The following MTUS2 variants were observed in gnomAD, a reference collection of about 807,000 sequenced individuals.
MTUS2 encodes microtubule-associated tumor suppressor candidate 2.
Under a neutral mutation model 114.1 loss-of-function variants are expected in MTUS2, and 40 were observed. The observed-to-expected ratio is 0.35, with a 90% CI of 0.27 to 0.46. The LOEUF is 0.46. Ranked by LOEUF, MTUS2 falls within the 20% of genes least tolerant of loss-of-function variation. MTUS2 has a pLI of 1.00. For missense variants in MTUS2, 1,679 were observed against 1,705.4 expected (o/e 0.98, Z 0.27); for synonymous variants, 688 against 672.0 (o/e 1.02, Z -0.37).
chr13:29,223,021 TTGGCACAAACAGTC>T (rs1178896422), intron 5 of MTUS2, among the ~76,000 whole-genome samples: 9 of 152,074 alleles, frequency 5.9e-5, no homozygotes, highest in African/African-American at 2.2e-4. Context: ...CAGACACCCC[TTGGCACAAACAGTC>T]TGGACACTGT....
chr13:28,901,215 T>A (rs1339209245), intron 2 of MTUS2, among the ~76,000 whole-genome samples: 9 of 152,248 alleles, frequency 5.9e-5, no homozygotes, highest in Non-Finnish European at 7.4e-5. Context: ...TAAAAAAAAA[T>A]TTTTTAAGTC....
At chr13:28,971,574 T>TA (rs1162177928) in intron 2 of MTUS2, among the ~76,000 whole-genome samples, 1 of 152,176 alleles carries the variant, frequency 6.6e-6, no homozygotes, top group Non-Finnish European at 1.5e-5. Flanking sequence ...AGTGAACAAA[T>TA]ATGGAAATAG....
intron 4 of MTUS2, 142 bp downstream of exon 4, chr13:29,034,267 C>G: frequency 8.8e-7 from 1 of 1,131,020 alleles, no homozygotes; most frequent in Non-Finnish European, 1.2e-6. Context: ...TCTGTAGATG[C>G]AGACATTTGT....
intron 5 of MTUS2, among the ~76,000 whole-genome samples, chr13:29,209,594 A>G (rs1186676275): frequency 1.3e-5 from 2 of 150,932 alleles, no homozygotes; most frequent in African/African-American, 2.4e-5. Context: ...AAGATTTACA[A>G]CTCCTTTTAG....
chr13:29,349,680 A>G (rs1342916308), intron 7 of MTUS2, among the ~76,000 whole-genome samples: 1 of 152,082 alleles, frequency 6.6e-6, no homozygotes, highest in Non-Finnish European at 1.5e-5. Flanking sequence ...GTACTTAAAG[A>G]TGCTGTTTTA....
intron 5 of MTUS2, among the ~76,000 whole-genome samples, chr13:29,101,464 T>C (rs1807477194): frequency 6.6e-6 from 1 of 152,240 alleles, no homozygotes; most frequent in Admixed American, 6.5e-5. Flanking sequence ...TTCAAGTCCA[T>C]GCCCAGGAAG....
chr13:28,928,909 GTA>G (rs777854861), intron 2 of MTUS2, among the ~76,000 whole-genome samples: 35 of 152,282 alleles, frequency 2.3e-4, no homozygotes, highest in Admixed American at 1.0e-3. Flanking sequence ...ATATGTGTGC[GTA>G]TGTGTGTGTG....
intron 5 of MTUS2, among the ~76,000 whole-genome samples, chr13:29,168,299 C>T (rs748672771): frequency 6.6e-6 from 1 of 152,150 alleles, no homozygotes; most frequent in Non-Finnish European, 1.5e-5. Context: ...TGAGCTCCAC[C>T]TGCTTAGAAA....
rs1566175110 is a variant in MTUS2 at position 29,390,040 on chromosome 13, TGTATATATACACATAC to T, written c.3117+30568_3117+30583del. 1.6e-3 allele frequency among the ~76,000 whole-genome samples: 4 copies of T among 2,518 alleles called. 1 individual carries two copies. Among genetic ancestry groups the T allele is most frequent in the Admixed American group, 0.053 (2 of 38 alleles). 1.7% of individuals were successfully genotyped at this position (2,518 alleles called of 152,430 possible). ...ATACATGTATGTGTATGTATGTATG[TGTATATATACACATAC>T]ATATATACACATACATATACACATA... On this transcript the variant is annotated intron_variant, in intron 8 of 15. Coordinates refer to ENST00000612955, the MANE Select transcript of MTUS2 (RefSeq NM_001033602.4).
intron 2 of MTUS2, among the ~76,000 whole-genome samples, chr13:28,980,143 T>C (rs935463943): frequency 1.3e-5 from 2 of 152,266 alleles, no homozygotes; most frequent in Non-Finnish European, 2.9e-5. Flanking sequence ...AATACATTCA[T>C]TGTTTAAAAG....
chr13:29,473,905 G>A (rs1044142630), intron 9 of MTUS2, among the ~76,000 whole-genome samples: 14 of 152,098 alleles, frequency 9.2e-5, no homozygotes, highest in Non-Finnish European at 1.8e-4. Context: ...GTTGTCTAAT[G>A]CTATTAAATT....
intron 7 of MTUS2, among the ~76,000 whole-genome samples, chr13:29,336,943 G>T (rs1901093548): frequency 6.6e-6 from 1 of 152,330 alleles, no homozygotes; most frequent in Non-Finnish European, 1.5e-5. Flanking sequence ...TTTACACTGT[G>T]AGGGGAAAAC....
At chr13:29,389,681 A>G (rs1347264695) in intron 8 of MTUS2, among the ~76,000 whole-genome samples, 1 of 145,126 alleles carries the variant, frequency 6.9e-6, no homozygotes, top group Non-Finnish European at 1.5e-5. Flanking sequence ...ATATACATAT[A>G]TGTATGTATA....
intron 2 of MTUS2, among the ~76,000 whole-genome samples, chr13:28,914,100 C>G (rs1272089877): frequency 6.6e-6 from 1 of 151,884 alleles, no homozygotes; most frequent in African/African-American, 2.4e-5. Context: ...GTGTGTGTGT[C>G]TGTATCTCCT....
At chr13:28,922,115 T>A (rs1456697694) in intron 2 of MTUS2, among the ~76,000 whole-genome samples, 3 of 152,150 alleles carry the variant, frequency 2.0e-5, no homozygotes, top group African/African-American at 7.2e-5. Flanking sequence ...TGAGATCTGG[T>A]TGTTTAAAAG....
intron 5 of MTUS2, among the ~76,000 whole-genome samples, chr13:29,127,832 C>G (rs780263489): frequency 3.3e-5 from 5 of 152,204 alleles, no homozygotes; most frequent in Non-Finnish European, 7.3e-5. Context: ...TTGAATACTT[C>G]CATTTTTCCT....
At chr13:29,321,126 T>C (rs576461539) in intron 6 of MTUS2, among the ~76,000 whole-genome samples, 1 of 151,554 alleles carries the variant, frequency 6.6e-6, no homozygotes, top group South Asian at 2.1e-4. Context: ...CCTACCTGGA[T>C]TGGAAATCAC....
chr13:29,263,873 C>CGG (rs1337543779), intron 5 of MTUS2, among the ~76,000 whole-genome samples: 6 of 152,244 alleles, frequency 3.9e-5, no homozygotes, highest in Admixed American at 2.6e-4. Context: ...AGATCCAAAC[C>CGG]ATATCATCCC....
intron 7 of MTUS2, among the ~76,000 whole-genome samples, chr13:29,354,713 C>G (rs1354978240): frequency 1.3e-5 from 2 of 152,152 alleles, no homozygotes; most frequent in Non-Finnish European, 2.9e-5. Flanking sequence ...GAAGGAAATC[C>G]CCACCCACAA....
Sources: gnomAD v4.1 joint callset for allele counts (sites outside exome capture counted in the v4.1 genomes callset) on GRCh38, gnomAD v4.1.1 for gene constraint, MANE v1.5 for transcripts, NCBI Gene and HGNC (gene_info 2026-07-23, HGNC 2026-07-21) for gene names.